LRRC42: variants seen among roughly 807,000 people sequenced by gnomAD.
LRRC42 encodes the protein leucine-rich repeat-containing protein 42.
LRRC42 carries 43 observed loss-of-function variants against 44.3 expected under a neutral mutation model. The observed-to-expected ratio is 0.97, with a 90% confidence interval of 0.76 to 1.25. The LOEUF is 1.25. LRRC42 is among the 50% of genes most tolerant of loss of function. The pLI, the probability that LRRC42 is intolerant of heterozygous loss-of-function variation, is 0.00. For synonymous variants in LRRC42, 207 were observed against 195.2 expected (o/e 1.06, Z -0.50); for missense variants, 540 against 509.1 (o/e 1.06, Z -0.58).
rs1655178049 is a variant in LRRC42, at chr1:53,968,023, G to GT, written c.*84_*85insT. On this transcript the variant is annotated 3_prime_UTR_variant, in exon 9 of 9. Coordinates refer to ENST00000371370, the MANE Select transcript of LRRC42 (RefSeq NM_001256409.2). The stretch of plus-strand genomic sequence containing the variant: ...ACTGAGGATGATTTACTTTTTGTTT[G>GT]AATTTACCTATGGCATTAGCATAGT... 8.4e-6 allele frequency: 12 copies of GT among 1,428,996 alleles called. No individual in the cohort carries two copies. The highest frequency in any genetic ancestry group is 1.1e-5 in the Non-Finnish European group (12 of 1,047,644). 88.5% of individuals were successfully genotyped at this position (1,428,996 alleles called of 1,614,324 possible). A position where few individuals can be genotyped will look rare whatever the true frequency, so the allele number is the denominator to read the frequency against.
chr1:53,951,447 G>A (rs1045190306), intron 2 of LRRC42, among the ~76,000 whole-genome samples: 2 of 151,834 alleles, frequency 1.3e-5, no homozygotes, highest in Admixed American at 1.3e-4. Context: ...TTTTTGAGAC[G>A]GAGTCTCGCT....
In LRRC42 at chr1:53,952,191, A is replaced by G; in HGVS notation, c.192A>G (p.Ala64=). 6.2e-7 allele frequency: 1 copy of G among 1,614,132 alleles called. No homozygotes were observed. Among genetic ancestry groups the G allele is most frequent in the Non-Finnish European group, 8.5e-7 (1 of 1,179,954 alleles). ...GCATGAACAGGGAAGACGACACTGC[A>G]CGGAAAGAGAAGACTGATCATTTCA... The part of the protein sequence containing the change: ...ELCMNREDDT[A]RKEKTDHFIF... Residue 64 remains alanine (A), a synonymous_variant, in exon 3 of 9, where the codon GCA becomes GCG. Coordinates refer to ENST00000371370, the MANE Select transcript of LRRC42 (RefSeq NM_001256409.2).
chr1:53,946,657 G>A (rs1001535867), intron 1 of LRRC42, 108 bp downstream of exon 1: 1 of 151,196 alleles, frequency 6.6e-6, no homozygotes, highest in South Asian at 2.1e-4. Flanking sequence ...GCCCCAGAGG[G>A]ACGGCGGGGC....
intron 3 of LRRC42, among the ~76,000 whole-genome samples, chr1:53,956,373 A>G (rs1464796296): frequency 1.3e-5 from 2 of 152,196 alleles, no homozygotes; most frequent in Non-Finnish European, 2.9e-5. Flanking sequence ...TTTGTTGTTG[A>G]CATAATAGTA....
At chr1:53,964,876 G>C (rs2100932279) in intron 7 of LRRC42, among the ~76,000 whole-genome samples, 1 of 152,248 alleles carries the variant, frequency 6.6e-6, no homozygotes, top group South Asian at 2.1e-4. Flanking sequence ...AATAGAGATG[G>C]GGTTTCACCA....
chr1:53,961,250 A>C (rs940754741), intron 5 of LRRC42, among the ~76,000 whole-genome samples: 25 of 152,234 alleles, frequency 1.6e-4, no homozygotes, highest in African/African-American at 5.8e-4. Context: ...TCTACTAAAA[A>C]GATACAAAAA....
chr1:53,962,598 A>G (rs540432545), intron 7 of LRRC42, among the ~76,000 whole-genome samples, 189 bp downstream of exon 7: 1 of 152,304 alleles, frequency 6.6e-6, no homozygotes, highest in South Asian at 2.1e-4. Flanking sequence ...GCCAGACCTT[A>G]TATCTCATGC....
chr1:53,959,650 A>G (rs1345708791), intron 4 of LRRC42, among the ~76,000 whole-genome samples: 1 of 152,272 alleles, frequency 6.6e-6, no homozygotes, highest in Non-Finnish European at 1.5e-5. Context: ...CTAGATTGAT[A>G]AAGCTGGTTA....
intron 3 of LRRC42, among the ~76,000 whole-genome samples, chr1:53,952,978 T>C (rs1466190321): frequency 6.6e-6 from 1 of 152,254 alleles, no homozygotes; most frequent in Non-Finnish European, 1.5e-5. Context: ...AAAGCAGATA[T>C]TTTCTCTTGT....
intron 3 of LRRC42, among the ~76,000 whole-genome samples, chr1:53,957,942 T>C (rs905420130): frequency 2.6e-5 from 4 of 151,136 alleles, no homozygotes; most frequent in Middle Eastern, 3.4e-3. Flanking sequence ...TCAAAATTTT[T>C]ATTCTACCAT....
intron 8 of LRRC42, among the ~76,000 whole-genome samples, chr1:53,967,134 G>T (rs1408980572): frequency 1.3e-5 from 2 of 152,098 alleles, no homozygotes; most frequent in African/African-American, 4.8e-5. Flanking sequence ...AAAAGAAAAG[G>T]AAGTAAATGA....
chr1:53,960,576 G>C, intron 5 of LRRC42, 102 bp downstream of exon 5: 8 of 850,066 alleles, frequency 9.4e-6, no homozygotes, highest in Non-Finnish European at 1.4e-5. Flanking sequence ...AAGGAAAGGT[G>C]ACTTTCCTCG....
chr1:53,962,251 T>A, intron 6 of LRRC42, 45 bp from the exon 7 acceptor site: 1 of 1,519,576 alleles, frequency 6.6e-7, no homozygotes, highest in Non-Finnish European at 9.1e-7. Context: ...CAAGTAAGAA[T>A]TAACCAAATG....
intron 3 of LRRC42, among the ~76,000 whole-genome samples, chr1:53,955,463 A>G (rs1416687381): frequency 6.7e-6 from 1 of 149,790 alleles, no homozygotes; most frequent in Non-Finnish European, 1.5e-5. Context: ...TGCCCAGCTA[A>G]TTTTTGTATT....
intron 3 of LRRC42, among the ~76,000 whole-genome samples, chr1:53,957,905 CATTTATTTATTT>C (rs201223513): frequency 7.9e-5 from 12 of 152,120 alleles, no homozygotes; most frequent in South Asian, 2.1e-4. Context: ...TGCTAATATA[CATTTATTTATTT>C]ATTTATTTAT....
Position 53,960,485 on chromosome 1 carries a change from T to C in LRRC42, c.724+11T>C, listed in dbSNP as rs769117531. The C allele has an allele frequency of 6.5e-6, 10 of 1,534,990 alleles. No homozygotes were observed. Among genetic ancestry groups the C allele is most frequent in the Non-Finnish European group, 9.0e-6 (10 of 1,112,410 alleles). ...TATTAGACTTATCATGTAAGTTTTC[T>C]TCGAAATTATAGATTATTTTAATGT... is the stretch of plus-strand genomic sequence containing the variant. On this transcript the variant is annotated intron_variant, in intron 5 of 8. Transcript: ENST00000371370.
chr1:53,956,606 A>G (rs556602622), intron 3 of LRRC42, among the ~76,000 whole-genome samples: 10 of 152,116 alleles, frequency 6.6e-5, no homozygotes, highest in Non-Finnish European at 1.3e-4. Context: ...TTTCCACTGT[A>G]CTGTTCCGAA....
rs201664743 is a variant in LRRC42 at position 53,967,649 on chromosome 1, C to T, written c.1013-16C>T. 1.7e-5 allele frequency: 28 copies of T among 1,610,788 alleles called. No individual in the cohort carries two copies. Among genetic ancestry groups the T allele is most frequent in the Non-Finnish European group, 4.2e-6 (5 of 1,177,518 alleles). On this transcript the variant is annotated splice_polypyrimidine_tract_variant and intron_variant, in intron 8 of 8. Coordinates refer to ENST00000371370, the MANE Select transcript of LRRC42 (RefSeq NM_001256409.2). ...TGCCAGTGTAGTGAACTCATCATCC[C>T]TCCCTTCTGTCACAGATGGGAAGCG... is the stretch of plus-strand genomic sequence containing the variant.
In LRRC42 at chr1:53,952,236, G is replaced by C. The variant is rs143419007; in HGVS notation, c.237G>C (p.Glu79Asp). The change falls in exon 3 of 9, where the codon GAG becomes GAC. Residue 79 changes from glutamate to aspartate, a missense_variant. Physicochemically the swap from Glu to Asp is conservative, Grantham distance 45 (BLOSUM62 2). Coordinates refer to ENST00000371370, the MANE Select transcript of LRRC42 (RefSeq NM_001256409.2). ...ATTTCATCTTCACATACACCCGAGA[G>C]GGGAATCTTCGGTACTCCGCCAAAT... ...TDHFIFTYTR[E>D]GNLRYSAKSL... 6.2e-7 allele frequency: 1 copy of C among 1,614,250 alleles called. No homozygotes were observed. Among genetic ancestry groups the C allele is most frequent in the Non-Finnish European group, 8.5e-7 (1 of 1,180,052 alleles).
Sources: allele counts gnomAD v4.1 joint callset (sites outside exome capture counted in the v4.1 genomes callset), GRCh38; gene constraint gnomAD v4.1.1; transcripts MANE v1.5; gene names NCBI Gene and HGNC (gene_info 2026-07-23, HGNC 2026-07-21).